Variants in SHISA6 observed in about 807,000 individuals in gnomAD.
SHISA6 encodes the protein protein shisa-6.
Under a neutral mutation model 47.9 loss-of-function variants are expected in SHISA6, and 22 were observed. The ratio of observed to expected loss-of-function variants is 0.46; its 90% CI spans 0.33 to 0.66. The LOEUF (loss-of-function observed/expected upper bound fraction) is 0.66. SHISA6 is among the 30% of genes least tolerant of loss of function. The pLI is 0.02. For synonymous variants in SHISA6, 388 were observed against 337.8 expected (o/e 1.15, Z -1.63); for missense variants, 680 against 764.6 (o/e 0.89, Z 1.30).
At chr17:11,305,872 G>A (rs112003507) in intron 2 of SHISA6, among the ~76,000 whole-genome samples, 2 of 152,166 alleles carry the variant, frequency 1.3e-5, no homozygotes, top group African/African-American at 4.8e-5. Context: ...CCAGCTGATG[G>A]CCAGGCTCTG....
intron 3 of SHISA6, among the ~76,000 whole-genome samples, chr17:11,462,201 A>G (rs922729199): frequency 1.3e-5 from 2 of 152,110 alleles, no homozygotes; most frequent in East Asian, 3.9e-4. Flanking sequence ...TCTCTGGGAG[A>G]GAGGGCAAAG....
intron 3 of SHISA6, among the ~76,000 whole-genome samples, chr17:11,435,609 C>A (rs926577152): frequency 1.9e-4 from 29 of 152,184 alleles, no homozygotes; most frequent in Admixed American, 1.7e-3. Flanking sequence ...AAATGCCAGA[C>A]AGAACAAAGA....
At chr17:11,455,996 T>G (rs1453657642) in intron 3 of SHISA6, among the ~76,000 whole-genome samples, 2 of 134,272 alleles carry the variant, frequency 1.5e-5, no homozygotes, top group Non-Finnish European at 3.2e-5. Flanking sequence ...CATATTGTCT[T>G]AACAGCACCC....
At chr17:11,268,978 G>T (rs181941265) in intron 2 of SHISA6, among the ~76,000 whole-genome samples, 133 of 152,094 alleles carry the variant, frequency 8.7e-4, no homozygotes, top group African/African-American at 3.0e-3. Flanking sequence ...ACCATAGGCT[G>T]GTCACCAGCC....
At chr17:11,501,496 T>C (rs1488036699) in intron 3 of SHISA6, among the ~76,000 whole-genome samples, 1 of 152,036 alleles carries the variant, frequency 6.6e-6, no homozygotes, top group Non-Finnish European at 1.5e-5. Context: ...CTAAAACCAA[T>C]TACAGGAATT....
intron 3 of SHISA6, among the ~76,000 whole-genome samples, chr17:11,481,133 G>A (rs958602863): frequency 6.6e-6 from 1 of 151,942 alleles, no homozygotes; most frequent in African/African-American, 2.4e-5. Flanking sequence ...GTGAAAATCA[G>A]CCAGGTGTGG....
At chr17:11,358,462 C>G (rs967575234) in intron 2 of SHISA6, among the ~76,000 whole-genome samples, 2 of 151,542 alleles carry the variant, frequency 1.3e-5, no homozygotes, top group Non-Finnish European at 2.9e-5. Context: ...TGGGTTCACG[C>G]CATTCTCCTG....
rs1491121889 is a variant in SHISA6 at position 11,491,771 on chromosome 17, T to TTTTTTG, written c.896-60120_896-60119insGTTTTT. ...TACTGAAAGGGAAGCTGGTGAAGTGTTTTTTTTTTTTTTTTTTTGAGACAG... is the reference window on the plus strand; with the variant it reads ...TACTGAAAGGGAAGCTGGTGAAGTGTTTTTTGTTTTTTTTTTTTTTTTTTGAGACAG... On this transcript the variant is annotated intron_variant, in intron 3 of 5. Transcript: ENST00000441885. 3.4e-4 allele frequency among the ~76,000 whole-genome samples: 36 copies of TTTTTTG among 104,636 alleles called. 1 individual carries two copies. Among genetic ancestry groups the TTTTTTG allele is most frequent in the Non-Finnish European group, 6.0e-4 (32 of 53,674 alleles). The allele number at this position is 104,636 out of a possible 152,430, so 68.6% of individuals were successfully genotyped here.
At chr17:11,245,219 G>A (rs1266867492) in intron 1 of SHISA6, among the ~76,000 whole-genome samples, 1 of 152,234 alleles carries the variant, frequency 6.6e-6, no homozygotes, top group Non-Finnish European at 1.5e-5. Flanking sequence ...GATGGGCACA[G>A]GATTGAAAGG....
chr17:11,427,801 A>T (rs1419879130), intron 3 of SHISA6, among the ~76,000 whole-genome samples: 2 of 152,022 alleles, frequency 1.3e-5, no homozygotes, highest in African/African-American at 4.8e-5. Flanking sequence ...AAAAAAAAAA[A>T]TTTCACATGC....
At chr17:11,557,413 T>G (rs1212708806) in intron 5 of SHISA6, among the ~76,000 whole-genome samples, 1 of 152,070 alleles carries the variant, frequency 6.6e-6, no homozygotes, top group East Asian at 1.9e-4. Context: ...ACACTGGGGA[T>G]TCTGAGGAAG....
intron 3 of SHISA6, among the ~76,000 whole-genome samples, chr17:11,511,656 T>C (rs180903390): frequency 6.6e-6 from 1 of 152,308 alleles, no homozygotes; most frequent in Non-Finnish European, 1.5e-5. Context: ...TTCAAAGCTA[T>C]AGAAAATGAA....
chr17:11,466,161 C>T (rs1915806022), intron 3 of SHISA6, among the ~76,000 whole-genome samples: 1 of 152,190 alleles, frequency 6.6e-6, no homozygotes, highest in African/African-American at 2.4e-5. Context: ...TGTCTGCACA[C>T]AATCACTGCT....
At chr17:11,242,872 C>G (rs915726992) in intron 1 of SHISA6, among the ~76,000 whole-genome samples, 1 of 152,142 alleles carries the variant, frequency 6.6e-6, no homozygotes, top group Admixed American at 6.5e-5. Context: ...ATCTTGCCCC[C>G]CAGTGAGCCC....
chr17:11,524,637 C>CA (rs2071660428), intron 3 of SHISA6, among the ~76,000 whole-genome samples: 2 of 152,002 alleles, frequency 1.3e-5, no homozygotes, highest in Non-Finnish European at 2.9e-5. Flanking sequence ...GCTGGGATTA[C>CA]AGGTGCCTGC....
In SHISA6 at chr17:11,399,576, C is replaced by T. The variant is rs147602899; in HGVS notation, c.895+20067C>T. ...AGCTGGGATTAGAGGTGCCTGCCAC[C>T]ACACCCAGCTAATTTTTGTATTTTT... is the stretch of plus-strand genomic sequence containing the variant. On this transcript the variant is annotated intron_variant, in intron 3 of 5. Coordinates refer to ENST00000441885, the MANE Select transcript of SHISA6 (RefSeq NM_207386.4). Among the ~76,000 whole-genome samples the T allele has an allele frequency of 1.6e-4, 25 of 152,196 alleles. No individual in the cohort carries two copies. In the East Asian group the frequency reaches 4.4e-3, roughly 27 times the overall value.
intron 2 of SHISA6, among the ~76,000 whole-genome samples, chr17:11,280,527 G>C (rs1379905557): frequency 2.0e-5 from 3 of 152,214 alleles, no homozygotes; most frequent in African/African-American, 7.2e-5. Flanking sequence ...ACATAAATAG[G>C]AGCATGCTGA....
intron 3 of SHISA6, among the ~76,000 whole-genome samples, chr17:11,413,247 A>T (rs1914185966): frequency 1.3e-5 from 2 of 152,200 alleles, no homozygotes; most frequent in South Asian, 4.1e-4. Context: ...TTTCGATGAT[A>T]CGTCATTTCG....
At chr17:11,354,830 C>A (rs978561208) in intron 2 of SHISA6, among the ~76,000 whole-genome samples, 1 of 152,070 alleles carries the variant, frequency 6.6e-6, no homozygotes, top group Non-Finnish European at 1.5e-5. Context: ...TGAAATGTGA[C>A]GGAAGGCTCT....
Sources: allele counts gnomAD v4.1 joint callset (sites outside exome capture counted in the v4.1 genomes callset), GRCh38; gene constraint gnomAD v4.1.1; transcripts MANE v1.5; gene names NCBI Gene and HGNC (gene_info 2026-07-23, HGNC 2026-07-21).